The following PRKN variants were observed in gnomAD, a reference collection of about 807,000 sequenced individuals.
PRKN encodes parkin RBR E3 ubiquitin protein ligase.
A neutral mutation model predicts 59.5 loss-of-function variants in PRKN; 56 were observed. The observed-to-expected ratio is 0.94, with a 90% CI of 0.76 to 1.18. The LOEUF is 1.18. PRKN is among the 50% of genes most tolerant of loss of function. The pLI, the probability that PRKN is intolerant of heterozygous loss-of-function variation, is 0.00. For synonymous variants in PRKN, 250 were observed against 222.1 expected (o/e 1.13, Z -1.12); for missense variants, 657 against 596.4 (o/e 1.10, Z -1.06).
At position 162,401,439 on chromosome 6, in the gene PRKN, A is replaced by G. The variant is rs565880862; in HGVS notation, c.171+41871T>C. On this transcript the variant is annotated intron_variant, in intron 2 of 11. Transcript: ENST00000366898. Reference sequence around the variant, plus strand: ...GGCATATCATAGCTTACTGTAGCCTACTTTAAATGTGTTCAGAACACTTAC... The same window carrying G: ...GGCATATCATAGCTTACTGTAGCCTGCTTTAAATGTGTTCAGAACACTTAC... Among the ~76,000 whole-genome samples, 19 of 152,216 alleles carry G rather than the reference A, an allele frequency of 1.2e-4. No homozygotes were observed. The South Asian group carries it at 3.9e-3, about 32-fold the overall frequency.
intron 4 of PRKN, among the ~76,000 whole-genome samples, chr6:162,172,283 G>A (rs572607061): frequency 6.6e-6 from 1 of 152,324 alleles, no homozygotes; most frequent in African/African-American, 2.4e-5. Flanking sequence ...AGGGATGGGA[G>A]ATGGGGCAGA....
chr6:161,733,767 G>T (rs1412777731), intron 7 of PRKN, among the ~76,000 whole-genome samples: 1 of 82,384 alleles, frequency 1.2e-5, no homozygotes, highest in Non-Finnish European at 2.2e-5. Flanking sequence ...ATTCCCAGGG[G>T]GTGAAAAAAA....
intron 1 of PRKN, among the ~76,000 whole-genome samples, chr6:162,577,772 T>TA (rs1240705750): frequency 6.6e-6 from 1 of 151,914 alleles, no homozygotes; most frequent in Non-Finnish European, 1.5e-5. Flanking sequence ...CCACTAAAAC[T>TA]AAAAAATTTA....
At chr6:161,841,569 C>G (rs548424258) in intron 6 of PRKN, among the ~76,000 whole-genome samples, 1 of 151,980 alleles carries the variant, frequency 6.6e-6, no homozygotes, top group Non-Finnish European at 1.5e-5. Context: ...AGGCTGGTCT[C>G]GAACTCCTGA....
chr6:162,265,986 C>A (rs1394918272), intron 2 of PRKN, among the ~76,000 whole-genome samples: 1 of 152,180 alleles, frequency 6.6e-6, no homozygotes. Flanking sequence ...GGCAGCACTC[C>A]TCCAGCTGTG....
chr6:161,957,315 G>C (rs557776431), intron 6 of PRKN, among the ~76,000 whole-genome samples: 100 of 152,260 alleles, frequency 6.6e-4, no homozygotes, highest in African/African-American at 2.4e-3. Context: ...AGGTAGCTGA[G>C]GGTAAGGGTA....
chr6:162,465,260 C>T (rs1791363468), intron 1 of PRKN, among the ~76,000 whole-genome samples: 1 of 152,204 alleles, frequency 6.6e-6, no homozygotes, highest in Admixed American at 6.5e-5. Context: ...TCTTATATTA[C>T]ACCACTATAT....
At chr6:162,213,800 ACCATACACAC>A (rs1777512496) in intron 3 of PRKN, among the ~76,000 whole-genome samples, 2 of 125,760 alleles carry the variant, frequency 1.6e-5, no homozygotes, top group East Asian at 4.6e-4. Context: ...CCAAAAAAAA[ACCATACACAC>A]ACACACACAC....
At chr6:162,143,669 G>A (rs886396794) in intron 4 of PRKN, among the ~76,000 whole-genome samples, 2 of 152,192 alleles carry the variant, frequency 1.3e-5, no homozygotes, top group East Asian at 3.8e-4. Context: ...ATAATTAAAT[G>A]CAATAAAGCA....
At chr6:161,635,742 C>T (rs573351406) in intron 7 of PRKN, among the ~76,000 whole-genome samples, 1 of 152,176 alleles carries the variant, frequency 6.6e-6, no homozygotes, top group Non-Finnish European at 1.5e-5. Flanking sequence ...GTTCCAGAGT[C>T]CCAGGTAGGT....
intron 9 of PRKN, among the ~76,000 whole-genome samples, chr6:161,406,131 C>A (rs1267964624): frequency 6.6e-6 from 1 of 151,556 alleles, no homozygotes; most frequent in Non-Finnish European, 1.5e-5. Context: ...TATATACACA[C>A]ACATATATAT....
intron 1 of PRKN, chr6:162,569,113 G>T: frequency 1.5e-6 from 1 of 653,464 alleles, no homozygotes; most frequent in South Asian, 1.6e-5. Flanking sequence ...CGTAGTATGA[G>T]GAGATCACCC....
rs771060815 is a variant in PRKN at position 162,168,556 on chromosome 6, CAA to C, written c.534+32573_534+32574del. On this transcript the variant is annotated intron_variant, in intron 4 of 11. Transcript: ENST00000366898. Reference sequence around the variant, plus strand: ...TCATCCATCATTCTAATCTGTTTTACAAAAAAAAAAAAAAAAAAAAAAAAAAT... The same window carrying C: ...TCATCCATCATTCTAATCTGTTTTACAAAAAAAAAAAAAAAAAAAAAAAAT... Among the ~76,000 whole-genome samples the C allele has an allele frequency of 7.2e-3, 339 of 47,242 alleles. 1 individual carries two copies. The East Asian group carries it at 0.14, about 19-fold the overall frequency. The allele number at this position is 47,242 out of a possible 152,430, so 31.0% of individuals were successfully genotyped here.
In PRKN at chr6:162,597,505, G is replaced by A. The variant is rs1004854265; in HGVS notation, c.7+130157C>T. Among the ~76,000 whole-genome samples, 33 of 152,166 alleles carry A rather than the reference G, an allele frequency of 2.2e-4. 1 individual carries two copies. Among genetic ancestry groups the A allele is most frequent in the Admixed American group, 6.5e-5 (1 of 15,274 alleles). On this transcript the variant is annotated intron_variant, in intron 1 of 11. Coordinates refer to ENST00000366898, the MANE Select transcript of PRKN (RefSeq NM_004562.3). ...TTTGATTCACAGATTTGACTCTGCTGTGATTATATATTTGAAGACCTTTCT... is the reference window on the plus strand; with the variant it reads ...TTTGATTCACAGATTTGACTCTGCTATGATTATATATTTGAAGACCTTTCT...
chr6:162,122,320 G>C (rs1562526305), intron 4 of PRKN, among the ~76,000 whole-genome samples: 1 of 152,194 alleles, frequency 6.6e-6, no homozygotes, highest in Non-Finnish European at 1.5e-5. Flanking sequence ...GCTCAGCATG[G>C]AACAGGGCAC....
At chr6:161,902,550 T>TATCTATCTATCTATA (rs1554245408) in intron 6 of PRKN, among the ~76,000 whole-genome samples, 1 of 101,360 alleles carries the variant, frequency 9.9e-6, no homozygotes. Context: ...ATCTATCTAT[T>TATCTATCTATCTATA]TATTTATTTA....
chr6:161,702,183 T>G (rs1030389456), intron 7 of PRKN, among the ~76,000 whole-genome samples: 1 of 152,128 alleles, frequency 6.6e-6, no homozygotes, highest in Non-Finnish European at 1.5e-5. Context: ...GGTTCTATAA[T>G]AGTAAAAATG....
chr6:161,394,214 T>C (rs1290475805), intron 9 of PRKN, among the ~76,000 whole-genome samples: 1 of 152,210 alleles, frequency 6.6e-6, no homozygotes, highest in Admixed American at 6.5e-5. Flanking sequence ...CATCTTAAAA[T>C]CACAGACTCT....
At chr6:162,690,833 T>C (rs1477469902) in intron 1 of PRKN, among the ~76,000 whole-genome samples, 1 of 152,136 alleles carries the variant, frequency 6.6e-6, no homozygotes, top group Non-Finnish European at 1.5e-5. Context: ...AGAATAAATA[T>C]AGAAATTAAA....
Sources: gnomAD v4.1 joint callset for allele counts (sites outside exome capture counted in the v4.1 genomes callset) on GRCh38, gnomAD v4.1.1 for gene constraint, MANE v1.5 for transcripts, NCBI Gene and HGNC (gene_info 2026-07-23, HGNC 2026-07-21) for gene names.